Variants in PCDH11X observed in about 807,000 individuals in gnomAD.
PCDH11X encodes the protein protocadherin 11 X-linked.
Under a neutral mutation model 53.3 loss-of-function variants are expected in PCDH11X, and 18 were observed. That is an observed-to-expected ratio of 0.34 (90% CI 0.23 to 0.50). PCDH11X has a LOEUF of 0.50. PCDH11X is among the 20% of genes least tolerant of loss of function. The probability of loss-of-function intolerance (pLI) is 0.98; values close to 1 mark genes in which losing one functional copy is unlikely to be tolerated. For synonymous variants in PCDH11X, 279 were observed against 393.3 expected (o/e 0.71, Z 3.44); for missense variants, 570 against 1,032.4 (o/e 0.55, Z 6.14).
Position 92,622,637 on chromosome X carries a change from A to G in PCDH11X, c.*3697A>G, listed in dbSNP as rs1928592988. ...TATTTTGAATGCTTCCAACTGGCTC[A>G]ATTGGCCGGGAAAACATGGGAGCAA... On this transcript the variant is annotated 3_prime_UTR_variant, in exon 11 of 11. Coordinates refer to ENST00000682573, the MANE Select transcript of PCDH11X (RefSeq NM_032968.5). 1 of 111,172 alleles carries G rather than the reference A, an allele frequency of 9.0e-6. No homozygotes were observed. The highest frequency in any genetic ancestry group is 1.9e-5 in the Non-Finnish European group (1 of 52,918). The allele number at this position is 111,172 out of a possible 1,213,427, so 9.2% of individuals were successfully genotyped here. A position where few individuals can be genotyped will look rare whatever the true frequency, so the allele number is the denominator to read the frequency against.
intron 9 of PCDH11X, among the ~76,000 whole-genome samples, chrX:92,437,755 G>A (rs2072417902): frequency 9.0e-6 from 1 of 110,556 alleles, no homozygotes; most frequent in Non-Finnish European, 1.9e-5. Context: ...CTCCCTTAAG[G>A]TATTCTTGTA....
At chrX:92,070,156 G>T (rs2063676406) in intron 6 of PCDH11X, among the ~76,000 whole-genome samples, 1 of 111,482 alleles carries the variant, frequency 9.0e-6, no homozygotes, top group African/African-American at 3.3e-5. Flanking sequence ...TATTATTTTT[G>T]ATTGGTTCAT....
chrX:92,087,350 C>A (rs2063974844), intron 6 of PCDH11X, among the ~76,000 whole-genome samples: 1 of 107,877 alleles, frequency 9.3e-6, no homozygotes, highest in Admixed American at 1.0e-4. Flanking sequence ...CCTTGGCCTC[C>A]CAAAGTGCTG....
At chrX:92,258,063 G>A (rs756408748) in intron 7 of PCDH11X, among the ~76,000 whole-genome samples, 13 of 111,966 alleles carry the variant, frequency 1.2e-4, no homozygotes, top group African/African-American at 3.2e-4. Flanking sequence ...TTTGCACTCA[G>A]TGTACCTGCA....
At chrX:92,352,979 C>T (rs1276629813) in intron 8 of PCDH11X, among the ~76,000 whole-genome samples, 1 of 110,798 alleles carries the variant, frequency 9.0e-6, no homozygotes, top group African/African-American at 3.3e-5. Context: ...ATTCAAGTCT[C>T]CACACGCTGC....
chrX:92,234,148 C>A (rs1053179050), intron 7 of PCDH11X, among the ~76,000 whole-genome samples: 2 of 112,138 alleles, frequency 1.8e-5, no homozygotes, highest in African/African-American at 6.5e-5. Context: ...AAAAATACAT[C>A]TTTTATTTTT....
chrX:92,425,705 C>T (rs902512700), intron 9 of PCDH11X, among the ~76,000 whole-genome samples: 3 of 91,684 alleles, frequency 3.3e-5, no homozygotes, highest in African/African-American at 7.9e-5. Context: ...ACTTAGGGTA[C>T]GAGTACAGAT....
chrX:91,839,985 G>A (rs775008967), intron 5 of PCDH11X, among the ~76,000 whole-genome samples: 91 of 111,584 alleles, frequency 8.2e-4, no homozygotes, highest in African/African-American at 2.7e-3. Flanking sequence ...GGAAATCACA[G>A]ATCTCTTTAA....
Position 91,884,347 on chromosome X carries a change from A to G in PCDH11X, c.3033+5074A>G, listed in dbSNP as rs1407393818. On this transcript the variant is annotated intron_variant, in intron 6 of 10. Coordinates refer to ENST00000682573, the MANE Select transcript of PCDH11X (RefSeq NM_032968.5). The stretch of plus-strand genomic sequence containing the variant: ...TCCCTGATATTTTGAAAAAAAGTAT[A>G]TTGATATTTCTTATATTACGAAACA... Among the ~76,000 whole-genome samples the G allele has an allele frequency of 5.4e-5, 6 of 111,214 alleles. No homozygotes were observed. In the East Asian group the frequency reaches 1.7e-3, roughly 31 times the overall value.
At chrX:92,618,037 C>G (rs905509191) in intron 10 of PCDH11X, 1 of 167,300 alleles carries the variant, frequency 6.0e-6, no homozygotes, top group African/African-American at 3.2e-5. Flanking sequence ...GGATACTAGG[C>G]CAAAGGATGC....
chrX:91,886,378 G>T (rs1339757618), intron 6 of PCDH11X, among the ~76,000 whole-genome samples: 1 of 110,679 alleles, frequency 9.0e-6, no homozygotes. Flanking sequence ...TAGCTTACCT[G>T]ATGAGCTACA....
chrX:92,309,635 A>G (rs1156816061), intron 8 of PCDH11X, among the ~76,000 whole-genome samples: 1 of 112,116 alleles, frequency 8.9e-6, no homozygotes, highest in Admixed American at 9.5e-5. Context: ...TACACTTAAA[A>G]TGGGTTAAAA....
intron 8 of PCDH11X, among the ~76,000 whole-genome samples, chrX:92,308,629 CA>C (rs1309288384): frequency 4.5e-5 from 5 of 111,200 alleles, no homozygotes; most frequent in East Asian, 5.7e-4. Context: ...GCACAGGTAA[CA>C]AAAATAATAC....
chrX:92,236,858 A>G (rs1277406187), intron 7 of PCDH11X, among the ~76,000 whole-genome samples: 1 of 112,039 alleles, frequency 8.9e-6, no homozygotes, highest in African/African-American at 3.2e-5. Context: ...ATTGTCCACA[A>G]TGTACAATGA....
In PCDH11X at chrX:92,246,209, G is replaced by A. The variant is rs147240178; in HGVS notation, c.3115-16905G>A. Among the ~76,000 whole-genome samples, 661 of 111,562 alleles carry A rather than the reference G, an allele frequency of 5.9e-3. 5 individuals carry two copies. Among genetic ancestry groups the A allele is most frequent in the African/African-American group, 0.02 (629 of 30,717 alleles). The stretch of plus-strand genomic sequence containing the variant: ...TAATTATTCATGCATATTTCCCATC[G>A]TTTTCATCATCTAACTCACTTATTC... On this transcript the variant is annotated intron_variant, in intron 7 of 10. Coordinates refer to ENST00000682573, the MANE Select transcript of PCDH11X (RefSeq NM_032968.5).
intron 7 of PCDH11X, among the ~76,000 whole-genome samples, chrX:92,216,510 TA>T (rs1162591055): frequency 7.8e-4 from 81 of 104,394 alleles, no homozygotes; most frequent in African/African-American, 2.8e-3. Flanking sequence ...GAAAAAAGAA[TA>T]AAAAAAAACG....
rs779458910 is a variant in PCDH11X, at chrX:92,016,544, A to T, written c.3033+137271A>T. Among the ~76,000 whole-genome samples the T allele has an allele frequency of 4.0e-3, 434 of 108,844 alleles. 1 individual carries two copies. Among genetic ancestry groups the T allele is most frequent in the African/African-American group, 0.014 (414 of 29,982 alleles). The allele number at this position is 108,844 out of a possible 115,157, so 94.5% of individuals were successfully genotyped here. A position where few individuals can be genotyped will look rare whatever the true frequency, so the allele number is the denominator to read the frequency against. On this transcript the variant is annotated intron_variant, in intron 6 of 10. Coordinates refer to ENST00000682573, the MANE Select transcript of PCDH11X (RefSeq NM_032968.5). ...CCTGCTGCACTTTTATATTATGGAG[A>T]TGGCTTCTTTCCTTAAACCTCATGA...
chrX:92,152,795 G>GTATGTATGTATGTATGTATGTATT (rs758903864), intron 6 of PCDH11X, among the ~76,000 whole-genome samples: 1 of 76,650 alleles, frequency 1.3e-5, no homozygotes. Context: ...ATGTATGTAT[G>GTATGTATGTATGTATGTATGTATT]TATTTATTTA....
At chrX:92,465,166 C>T (rs1031199548) in intron 9 of PCDH11X, among the ~76,000 whole-genome samples, 4 of 111,148 alleles carry the variant, frequency 3.6e-5, no homozygotes, top group Non-Finnish European at 7.6e-5. Flanking sequence ...CAAAAAAAGC[C>T]CATAAGAATA....
Sources: gnomAD v4.1 joint callset for allele counts (sites outside exome capture counted in the v4.1 genomes callset) on GRCh38, gnomAD v4.1.1 for gene constraint, MANE v1.5 for transcripts, NCBI Gene and HGNC (gene_info 2026-07-23, HGNC 2026-07-21) for gene names.